DCAKD: variants seen among roughly 807,000 people sequenced by gnomAD.
DCAKD encodes the protein dephospho-CoA kinase domain-containing protein.
In DCAKD, 15 loss-of-function variants were observed where a neutral mutation model predicts 18.7. The ratio of observed to expected loss-of-function variants is 0.80; its 90% confidence interval spans 0.54 to 1.24. The LOEUF is 1.24. Among genes scored for constraint, DCAKD ranks in the 50% most tolerant of loss-of-function variants. The pLI is 0.00. For synonymous variants in DCAKD, 130 were observed against 133.0 expected, an observed-to-expected ratio of 0.98 and a Z score of 0.16; for missense variants, 301 against 322.0, an observed-to-expected ratio of 0.93 and a Z score of 0.50.
intron 1 of DCAKD, among the ~76,000 whole-genome samples, chr17:45,060,322 G>A (rs2053835714): frequency 6.6e-6 from 1 of 151,874 alleles, no homozygotes; most frequent in African/African-American, 2.4e-5. Context: ...CCAGGAGTTC[G>A]AGACCAGCCT....
chr17:45,058,192 G>GT (rs1486648765), intron 1 of DCAKD, among the ~76,000 whole-genome samples: 1 of 151,932 alleles, frequency 6.6e-6, no homozygotes, highest in Non-Finnish European at 1.5e-5. Flanking sequence ...GTGCGCACCT[G>GT]TAGTCCCAGC....
upstream of DCAKD, among the ~76,000 whole-genome samples, chr17:45,053,750 G>A (rs539308452): frequency 5.3e-5 from 8 of 152,142 alleles, no homozygotes; most frequent in Non-Finnish European, 8.8e-5. Flanking sequence ...TTCTAGTAGA[G>A]ATGGGGTTTG....
At chr17:45,058,145 T>C (rs991322155) in intron 1 of DCAKD, among the ~76,000 whole-genome samples, 37 of 147,730 alleles carry the variant, frequency 2.5e-4, no homozygotes, top group African/African-American at 7.5e-4. Flanking sequence ...TGAAACCCCA[T>C]CTCTACTGTA....
chr17:45,036,992 G>A (rs2053315578), intron 1 of DCAKD, among the ~76,000 whole-genome samples: 1 of 152,154 alleles, frequency 6.6e-6, no homozygotes, highest in Non-Finnish European at 1.5e-5. Flanking sequence ...TGACAGGGGA[G>A]GCAGCTGCTT....
At chr17:45,027,938 A>ATGGAGT (rs2053088565) in intron 4 of DCAKD, among the ~76,000 whole-genome samples, 1 of 148,538 alleles carries the variant, frequency 6.7e-6, no homozygotes, top group African/African-American at 2.5e-5. Context: ...GTGAGCTGAG[A>ATGGAGT]TCGCGCCACT....
chr17:45,045,731 CAA>C (rs759264562), intron 1 of DCAKD, among the ~76,000 whole-genome samples: 39 of 70,564 alleles, frequency 5.5e-4, no homozygotes, highest in Admixed American at 9.2e-4. Context: ...GACTCTGTCT[CAA>C]AAAAAAAAAA....
chr17:45,048,541 GC>G (rs1450934904), intron 1 of DCAKD, among the ~76,000 whole-genome samples: 4 of 152,208 alleles, frequency 2.6e-5, no homozygotes, highest in African/African-American at 9.7e-5. Flanking sequence ...GGAGGCTGAG[GC>G]AGAAGAATCG....
chr17:45,024,336 TGTGGGG>T lies in DCAKD; in HGVS notation c.*91_*96del, dbSNP rs749938421. The T allele has an allele frequency of 1.4e-3, 31 of 21,476 alleles. 1 individual carries two copies. Among genetic ancestry groups the T allele is most frequent in the Admixed American group, 2.8e-3 (4 of 1,406 alleles). 1.3% of individuals were successfully genotyped at this position (21,476 alleles called of 1,614,324 possible). A position where few individuals can be genotyped will look rare whatever the true frequency, so the allele number is the denominator to read the frequency against. On this transcript the variant is annotated 3_prime_UTR_variant, in exon 5 of 5. Coordinates refer to ENST00000651974, the MANE Select transcript of DCAKD (RefSeq NM_001288655.2). ...GTGTGTGTGTGTGTGTGTGTGTGTG[TGTGGGG>T]AGGGGGCTGAGAGGAAACAGGATGT...
intron 1 of DCAKD, among the ~76,000 whole-genome samples, chr17:45,056,913 G>A (rs934027863): frequency 2.6e-5 from 4 of 151,936 alleles, no homozygotes; most frequent in African/African-American, 4.8e-5. Flanking sequence ...GACTACAGAC[G>A]CCCGCCACCA....
intron 3 of DCAKD, among the ~76,000 whole-genome samples, chr17:45,030,516 C>T (rs1360755440): frequency 3.3e-5 from 5 of 152,252 alleles, no homozygotes; most frequent in African/African-American, 9.6e-5. Flanking sequence ...GGAGGCTCTA[C>T]TGTGCGGGCT....
At chr17:45,040,259 T>C (rs1481328617) in intron 1 of DCAKD, among the ~76,000 whole-genome samples, 2 of 152,070 alleles carry the variant, frequency 1.3e-5, no homozygotes, top group East Asian at 1.9e-4. Context: ...TGGTGGCGCA[T>C]GCCTGTAATC....
At chr17:45,031,581 G>T in intron 3 of DCAKD, 1 of 985,360 alleles carries the variant, frequency 1.0e-6, no homozygotes, top group Non-Finnish European at 1.2e-6. Flanking sequence ...ACAGTGTGGT[G>T]CGCCTCCCTA....
chr17:45,038,575 G>A (rs1030445176), intron 1 of DCAKD, among the ~76,000 whole-genome samples: 67 of 152,298 alleles, frequency 4.4e-4, no homozygotes, highest in African/African-American at 1.2e-3. Context: ...TAGGCAAATC[G>A]ATTCAGAGCC....
intron 3 of DCAKD, among the ~76,000 whole-genome samples, chr17:45,033,196 T>C (rs771139004): frequency 6.6e-6 from 1 of 151,874 alleles, no homozygotes; most frequent in Non-Finnish European, 1.5e-5. Flanking sequence ...TAAAATAAAA[T>C]AAAATAAAAT....
At chr17:45,048,868 A>G (rs1207898807) in intron 1 of DCAKD, among the ~76,000 whole-genome samples, 1 of 151,942 alleles carries the variant, frequency 6.6e-6, no homozygotes, top group Admixed American at 6.6e-5. Flanking sequence ...TGTTCTGCCT[A>G]TGGTGTAGCC....
intron 3 of DCAKD, among the ~76,000 whole-genome samples, chr17:45,032,341 G>C (rs1259960244): frequency 6.6e-6 from 1 of 152,134 alleles, no homozygotes; most frequent in Non-Finnish European, 1.5e-5. Context: ...GCTCCAGCCC[G>C]GACGGGAGGG....
At chr17:45,030,269 C>T in intron 3 of DCAKD, 90 bp from the exon 4 acceptor site, 1 of 1,194,358 alleles carries the variant, frequency 8.4e-7, no homozygotes, top group Non-Finnish European at 1.2e-6. Flanking sequence ...CCAGAGCGCC[C>T]AGCAGAGGGG....
intron 4 of DCAKD, among the ~76,000 whole-genome samples, chr17:45,026,260 C>T (rs1356081168): frequency 1.6e-5 from 2 of 125,116 alleles, no homozygotes; most frequent in Non-Finnish European, 1.6e-5. Flanking sequence ...TGGAGTCTTG[C>T]TCTTTCACCT....
At position 45,038,134 on chromosome 17, in the gene DCAKD, C is replaced by T. The variant is rs151111567; in HGVS notation, c.-114-3135G>A. 4.9e-3 allele frequency among the ~76,000 whole-genome samples: 741 copies of T among 150,934 alleles called. 4 individuals carry two copies. Among genetic ancestry groups the T allele is most frequent in the African/African-American group, 0.017 (679 of 41,084 alleles). ...CTCTGTCCCCCAGGGTGGCGTGCAG[C>T]GGTGCAATCTGGGCCCACTGCAATC... On this transcript the variant is annotated intron_variant, in intron 1 of 4. Transcript: ENST00000651974.
Sources: allele counts gnomAD v4.1 joint callset (sites outside exome capture counted in the v4.1 genomes callset), GRCh38; gene constraint gnomAD v4.1.1; transcripts MANE v1.5; gene names NCBI Gene and HGNC (gene_info 2026-07-23, HGNC 2026-07-21).